The following PARM1 variants were observed in gnomAD, a reference collection of about 807,000 sequenced individuals.
PARM1 encodes the protein WSC4, cell wall integrity and stress response component 4 homolog.
Under a neutral mutation model 24.6 loss-of-function variants are expected in PARM1, and 14 were observed. That is an observed-to-expected ratio of 0.57 (90% CI 0.38 to 0.89). The LOEUF (loss-of-function observed/expected upper bound fraction) is 0.89, where lower values mean the gene tolerates loss of function less well. Ranked by LOEUF, PARM1 falls within the 40% of genes least tolerant of loss-of-function variation. The pLI, the probability that PARM1 is intolerant of heterozygous loss-of-function variation, is 0.00. For synonymous variants in PARM1, 179 were observed against 156.6 expected, an observed-to-expected ratio of 1.14 and a Z score of -1.07; for missense variants, 362 against 380.4, an observed-to-expected ratio of 0.95 and a Z score of 0.40.
At chr4:74,965,502 CT>C (rs1399154641) in intron 1 of PARM1, 5 of 152,178 alleles carry the variant, frequency 3.3e-5, no homozygotes, top group Non-Finnish European at 7.3e-5. Context: ...TGTGATGTAA[CT>C]TTCTCCTCTT....
intron 3 of PARM1, among the ~76,000 whole-genome samples, chr4:75,042,226 A>C (rs532203874): frequency 1.3e-5 from 2 of 152,336 alleles, no homozygotes; most frequent in East Asian, 3.9e-4. Context: ...GCAACATGTT[A>C]GGTGTTTCAG....
At chr4:74,981,466 G>A (rs1722254688) in intron 1 of PARM1, among the ~76,000 whole-genome samples, 1 of 152,112 alleles carries the variant, frequency 6.6e-6, no homozygotes. Flanking sequence ...CTTATTAAAA[G>A]GTCAAGAAAC....
intron 3 of PARM1, among the ~76,000 whole-genome samples, chr4:75,042,026 G>A (rs1723498810): frequency 2.0e-5 from 3 of 152,140 alleles, no homozygotes; most frequent in Admixed American, 1.3e-4. Flanking sequence ...TCAAAACAGT[G>A]ACTTTGACCA....
chr4:75,020,501 C>T (rs528793397), intron 2 of PARM1, among the ~76,000 whole-genome samples: 3 of 150,860 alleles, frequency 2.0e-5, no homozygotes, highest in Non-Finnish European at 4.4e-5. Flanking sequence ...TTCCCCCCCC[C>T]CGCACCCATC....
intron 2 of PARM1, among the ~76,000 whole-genome samples, chr4:75,023,878 A>G (rs909216513): frequency 6.6e-6 from 1 of 152,192 alleles, no homozygotes; most frequent in Admixed American, 6.5e-5. Flanking sequence ...CTTAACTGGC[A>G]TCAAAGTTGG....
intron 1 of PARM1, among the ~76,000 whole-genome samples, chr4:74,963,954 T>C (rs1184695818): frequency 7.2e-6 from 1 of 139,418 alleles, no homozygotes; most frequent in Non-Finnish European, 1.6e-5. Context: ...GCAAATGTGC[T>C]AATGGGACTG....
intron 1 of PARM1, 113 bp from the exon 2 acceptor site, chr4:75,012,312 T>G: frequency 1.2e-4 from 143 of 1,184,826 alleles, no homozygotes; most frequent in Non-Finnish European, 1.5e-4. Flanking sequence ...CAATGCAAAA[T>G]GAGAAATACC....
chr4:74,997,233 G>T (rs936058070), intron 1 of PARM1, among the ~76,000 whole-genome samples: 62 of 152,136 alleles, frequency 4.1e-4, no homozygotes, highest in African/African-American at 1.5e-3. Context: ...TCTACCAAGG[G>T]ACATGTTGGC....
intron 1 of PARM1, among the ~76,000 whole-genome samples, chr4:74,953,438 G>A (rs1000552026): frequency 3.3e-5 from 5 of 152,176 alleles, no homozygotes; most frequent in African/African-American, 4.8e-5. Context: ...AAGTTACAAA[G>A]CAAGAGAACA....
intron 1 of PARM1, among the ~76,000 whole-genome samples, chr4:74,942,170 C>T (rs941491997): frequency 2.0e-5 from 3 of 152,182 alleles, no homozygotes; most frequent in Non-Finnish European, 4.4e-5. Flanking sequence ...TCTCCCACTA[C>T]GAGATTGTAA....
At chr4:74,957,249 T>C (rs796350303) in intron 1 of PARM1, 5 of 152,366 alleles carry the variant, frequency 3.3e-5, no homozygotes, top group African/African-American at 1.2e-4. Flanking sequence ...TAATAATTTG[T>C]CCAAAGCCGC....
chr4:75,006,699 A>T (rs1722776206), intron 1 of PARM1, among the ~76,000 whole-genome samples: 1 of 152,166 alleles, frequency 6.6e-6, no homozygotes, highest in African/African-American at 2.4e-5. Flanking sequence ...CCAGTTCTAG[A>T]TCCTTGAGGA....
chr4:74,939,322 G>A (rs112466264), intron 1 of PARM1, among the ~76,000 whole-genome samples: 230 of 152,254 alleles, frequency 1.5e-3, no homozygotes, highest in African/African-American at 5.2e-3. Context: ...TTTAGAGGCA[G>A]CATTCATGCC....
intron 2 of PARM1, among the ~76,000 whole-genome samples, chr4:75,021,532 T>C (rs1723088692): frequency 6.6e-6 from 1 of 152,202 alleles, no homozygotes; most frequent in South Asian, 2.1e-4. Flanking sequence ...TCATGCGAGT[T>C]TGTTGTACAG....
intron 1 of PARM1, among the ~76,000 whole-genome samples, chr4:74,948,874 T>G (rs1299803253): frequency 6.6e-6 from 1 of 151,944 alleles, no homozygotes; most frequent in Non-Finnish European, 1.5e-5. Context: ...TACAAAAAAT[T>G]AGCCAGGCAT....
chr4:74,975,338 G>C (rs1411578633), intron 1 of PARM1, among the ~76,000 whole-genome samples: 1 of 152,176 alleles, frequency 6.6e-6, no homozygotes, highest in Non-Finnish European at 1.5e-5. Flanking sequence ...GCGGTATTAT[G>C]TTTCTGTAAA....
At chr4:75,034,057 C>A (rs1723325000) in intron 3 of PARM1, 96 bp downstream of exon 3, 1 of 937,530 alleles carries the variant, frequency 1.1e-6, no homozygotes, top group Non-Finnish European at 1.6e-6. Flanking sequence ...TAATAGGTAT[C>A]TTAGCCCTTA....
intron 1 of PARM1, among the ~76,000 whole-genome samples, chr4:74,951,869 G>A (rs983293599): frequency 2.0e-5 from 3 of 152,208 alleles, no homozygotes; most frequent in Admixed American, 6.5e-5. Context: ...CCAAGTCTTC[G>A]CTATTCTGAA....
At chr4:75,031,707 A>G (rs750157318) in intron 2 of PARM1, among the ~76,000 whole-genome samples, 1 of 152,220 alleles carries the variant, frequency 6.6e-6, no homozygotes, top group Non-Finnish European at 1.5e-5. Flanking sequence ...CTATCCCTGG[A>G]GCAAGAAAGA....
Sources: allele counts gnomAD v4.1 joint callset (sites outside exome capture counted in the v4.1 genomes callset), GRCh38; gene constraint gnomAD v4.1.1; transcripts MANE v1.5; gene names NCBI Gene and HGNC (gene_info 2026-07-23, HGNC 2026-07-21).